Variants in GAS7 observed in about 807,000 individuals in gnomAD.
GAS7 encodes the protein growth arrest specific 7.
GAS7 carries 28 observed loss-of-function variants against 71.1 expected under a neutral mutation model. The ratio of observed to expected loss-of-function variants is 0.39; its 90% CI spans 0.29 to 0.54. The LOEUF (loss-of-function observed/expected upper bound fraction) is 0.54, where lower values mean the gene tolerates loss of function less well. Among genes scored for constraint, GAS7 ranks in the 20% least tolerant of loss-of-function variants. The pLI is 0.62. For synonymous variants in GAS7, 258 were observed against 245.8 expected, an observed-to-expected ratio of 1.05 and a Z score of -0.46; for missense variants, 436 against 627.8, an observed-to-expected ratio of 0.69 and a Z score of 3.27.
At chr17:9,932,957 G>A (rs2068262606) in intron 9 of GAS7, among the ~76,000 whole-genome samples, 1 of 152,086 alleles carries the variant, frequency 6.6e-6, no homozygotes, top group South Asian at 2.1e-4. Flanking sequence ...TGGATCATGA[G>A]GTGAGGAGTT....
chr17:9,932,187 C>T (rs1163337179), intron 9 of GAS7, among the ~76,000 whole-genome samples: 1 of 146,460 alleles, frequency 6.8e-6, no homozygotes, highest in Admixed American at 7.0e-5. Flanking sequence ...CTGAAAGGTC[C>T]CCCCCGCTTT....
chr17:9,950,813 G>A (rs1002838201), intron 5 of GAS7, among the ~76,000 whole-genome samples: 2 of 151,772 alleles, frequency 1.3e-5, no homozygotes, highest in Admixed American at 6.6e-5. Context: ...CCGAGATCGC[G>A]CCATTGCACT....
At chr17:10,099,243 A>G (rs1399600843) in intron 1 of GAS7, among the ~76,000 whole-genome samples, 1 of 152,022 alleles carries the variant, frequency 6.6e-6, no homozygotes, top group Admixed American at 6.5e-5. Context: ...CATTTACCAA[A>G]CAGCGCCTGT....
intron 11 of GAS7, among the ~76,000 whole-genome samples, chr17:9,924,216 C>T (rs188836347): frequency 3.5e-4 from 54 of 152,292 alleles, no homozygotes; most frequent in East Asian, 2.1e-3. Flanking sequence ...CTCTGTCACC[C>T]AGGCTGGAAT....
chr17:9,917,386 A>C (rs1032034651), intron 13 of GAS7, 45 bp from the exon 14 acceptor site: 14 of 1,334,096 alleles, frequency 1.0e-5, no homozygotes, highest in South Asian at 3.5e-5. Flanking sequence ...GACGGCGGCC[A>C]AGCCAGGGAG....
At chr17:9,956,097 C>G (rs186465451) in intron 5 of GAS7, among the ~76,000 whole-genome samples, 1 of 152,180 alleles carries the variant, frequency 6.6e-6, no homozygotes, top group African/African-American at 2.4e-5. Flanking sequence ...ATACGGAGGC[C>G]CCAAGGCATG....
At chr17:10,161,999 G>A (rs549380779) in intron 1 of GAS7, among the ~76,000 whole-genome samples, 2 of 148,858 alleles carry the variant, frequency 1.3e-5, no homozygotes, top group African/African-American at 5.0e-5. Flanking sequence ...CCCGGGAGGC[G>A]GAGCCTGCAG....
At position 10,146,919 on chromosome 17, in the gene GAS7, T is replaced by G. The variant is rs528500772; in HGVS notation, c.183+51289A>C. ...TGGCATAAACCCGGGAGGCGGAGTTTGTAGTGAGCTGAGATCGCGCCAGAG... is the reference window on the plus strand; with the variant it reads ...TGGCATAAACCCGGGAGGCGGAGTTGGTAGTGAGCTGAGATCGCGCCAGAG... On this transcript the variant is annotated intron_variant, in intron 1 of 13. Coordinates refer to ENST00000432992, the MANE Select transcript of GAS7 (RefSeq NM_201433.2). 2.0e-5 allele frequency among the ~76,000 whole-genome samples: 3 copies of G among 149,040 alleles called. No individual in the cohort carries two copies. The East Asian group carries it at 6.2e-4, about 31-fold the overall frequency.
At chr17:10,175,891 A>G (rs2074371085) in intron 1 of GAS7, among the ~76,000 whole-genome samples, 1 of 152,130 alleles carries the variant, frequency 6.6e-6, no homozygotes, top group Non-Finnish European at 1.5e-5. Flanking sequence ...ACGAGTGGGG[A>G]GTGGGTCCAA....
intron 4 of GAS7, among the ~76,000 whole-genome samples, chr17:9,964,006 T>C (rs2069605870): frequency 6.6e-6 from 1 of 152,060 alleles, no homozygotes; most frequent in East Asian, 1.9e-4. Flanking sequence ...CAGGTAATCG[T>C]TGGGCTTAAC....
intron 1 of GAS7, among the ~76,000 whole-genome samples, chr17:10,098,686 G>A (rs1334044330): frequency 2.6e-5 from 4 of 152,214 alleles, no homozygotes; most frequent in East Asian, 1.9e-4. Context: ...GTGGCCGGGC[G>A]CGGTGGCTGA....
At chr17:10,172,160 T>G (rs757887619) in intron 1 of GAS7, among the ~76,000 whole-genome samples, 1 of 152,214 alleles carries the variant, frequency 6.6e-6, no homozygotes. Context: ...ATCTGGCTAC[T>G]TCCTGGACTG....
chr17:9,980,917 G>A (rs2070388149), intron 3 of GAS7, among the ~76,000 whole-genome samples: 1 of 152,122 alleles, frequency 6.6e-6, no homozygotes, highest in Non-Finnish European at 1.5e-5. Context: ...CCTGCTGATG[G>A]GTCCCATAAC....
chr17:10,170,749 G>A (rs577149777), intron 1 of GAS7, among the ~76,000 whole-genome samples: 22 of 152,292 alleles, frequency 1.4e-4, no homozygotes, highest in Middle Eastern at 3.4e-3. Context: ...CTGAACGAGC[G>A]TTTGTTCAGT....
intron 5 of GAS7, among the ~76,000 whole-genome samples, chr17:9,956,307 C>T (rs964342742): frequency 5.9e-5 from 9 of 152,096 alleles, no homozygotes; most frequent in Admixed American, 5.9e-4. Context: ...CAAGCCAGCC[C>T]CGGAGCTCTG....
At chr17:9,930,634 A>G (rs73974339) in intron 9 of GAS7, among the ~76,000 whole-genome samples, 4,676 of 152,326 alleles carry the variant, frequency 0.031, 221 homozygotes, top group African/African-American at 0.1. Flanking sequence ...CAGAAAAACC[A>G]CAAAAATTGC....
At position 10,052,110 on chromosome 17, in the gene GAS7, C is replaced by T. The variant is rs535802427; in HGVS notation, c.184-32213G>A. Among the ~76,000 whole-genome samples the T allele has an allele frequency of 3.3e-5, 5 of 152,184 alleles. No individual in the cohort carries two copies. In the East Asian group the frequency reaches 7.8e-4, roughly 24 times the overall value. On this transcript the variant is annotated intron_variant, in intron 1 of 13. Transcript: ENST00000432992. ...TTCCATCTCACCCCACACTGTCCCC[C>T]GATTCCTCCATTTACAATCATAGAA...
At chr17:10,169,903 C>A (rs113178204) in intron 1 of GAS7, among the ~76,000 whole-genome samples, 2 of 152,168 alleles carry the variant, frequency 1.3e-5, no homozygotes, top group African/African-American at 4.8e-5. Context: ...CCCAAACCTG[C>A]TGCTTCCGTT....
intron 5 of GAS7, among the ~76,000 whole-genome samples, chr17:9,955,938 G>A (rs537934432): frequency 7.3e-4 from 111 of 152,346 alleles, no homozygotes; most frequent in Non-Finnish European, 1.2e-3. Flanking sequence ...TGGGGTTCCT[G>A]CAGGGCTTTT....
Sources: allele counts gnomAD v4.1 joint callset (sites outside exome capture counted in the v4.1 genomes callset), GRCh38; gene constraint gnomAD v4.1.1; transcripts MANE v1.5; gene names NCBI Gene and HGNC (gene_info 2026-07-23, HGNC 2026-07-21).